CHRM3: variants seen among roughly 807,000 people sequenced by gnomAD.
CHRM3 encodes muscarinic acetylcholine receptor M3.
In CHRM3, 11 loss-of-function variants were observed where a neutral mutation model predicts 41.8. That is an observed-to-expected ratio of 0.26 (90% confidence interval 0.17 to 0.44). The LOEUF (loss-of-function observed/expected upper bound fraction) is 0.44, where lower values mean the gene tolerates loss of function less well. Among genes scored for constraint, CHRM3 ranks in the 20% least tolerant of loss-of-function variants. The pLI is 1.00. For missense variants in CHRM3, 571 were observed against 745.4 expected (o/e 0.77, Z 2.72); for synonymous variants, 297 against 301.4 (o/e 0.99, Z 0.15).
intron 1 of CHRM3, among the ~76,000 whole-genome samples, chr1:239,404,466 G>GT (rs1660401062): frequency 8.1e-6 from 1 of 123,306 alleles, no homozygotes; most frequent in Non-Finnish European, 1.7e-5. Flanking sequence ...AAGAAAGAAA[G>GT]AAAAAGAAAG....
chr1:239,690,026 G>A (rs1490127638), intron 5 of CHRM3, among the ~76,000 whole-genome samples: 1 of 147,782 alleles, frequency 6.8e-6, no homozygotes, highest in Non-Finnish European at 1.5e-5. Flanking sequence ...AACAGAGAGA[G>A]AGAGACAGAG....
chr1:239,902,206 T>C (rs1228697842), intron 6 of CHRM3, among the ~76,000 whole-genome samples: 2 of 152,136 alleles, frequency 1.3e-5, no homozygotes, highest in African/African-American at 2.4e-5. Flanking sequence ...AAAGTTAGCA[T>C]TGGGAGAAGG....
At chr1:239,447,271 A>C (rs1664216949) in intron 1 of CHRM3, among the ~76,000 whole-genome samples, 2 of 152,278 alleles carry the variant, frequency 1.3e-5, no homozygotes, top group African/African-American at 2.4e-5. Flanking sequence ...TCAATATTAA[A>C]CATATTATTT....
intron 5 of CHRM3, among the ~76,000 whole-genome samples, chr1:239,778,939 T>C (rs1668306775): frequency 6.6e-6 from 1 of 152,190 alleles, no homozygotes; most frequent in Non-Finnish European, 1.5e-5. Flanking sequence ...TATGTGATTG[T>C]TTCCATTTCC....
chr1:239,542,390 A>G (rs756017040), intron 2 of CHRM3, among the ~76,000 whole-genome samples: 42 of 152,180 alleles, frequency 2.8e-4, no homozygotes, highest in Admixed American at 9.2e-4. Context: ...AAAGTCAAGT[A>G]TGGAGCGTAG....
intron 1 of CHRM3, among the ~76,000 whole-genome samples, chr1:239,402,057 C>G (rs935142977): frequency 2.0e-5 from 3 of 152,138 alleles, no homozygotes; most frequent in Admixed American, 6.5e-5. Flanking sequence ...TCTCAAGTGT[C>G]AAACCCCCTC....
intron 1 of CHRM3, among the ~76,000 whole-genome samples, chr1:239,390,996 G>GGCAT (rs1658983808): frequency 6.6e-6 from 1 of 152,126 alleles, no homozygotes; most frequent in Non-Finnish European, 1.5e-5. Context: ...AACTTAGCCA[G>GGCAT]GCATGGTGGC....
chr1:239,491,686 T>C (rs577775580), intron 1 of CHRM3, among the ~76,000 whole-genome samples: 2 of 152,370 alleles, frequency 1.3e-5, no homozygotes, highest in East Asian at 3.9e-4. Flanking sequence ...CTTCATTTCC[T>C]CTGGATATGT....
intron 2 of CHRM3, among the ~76,000 whole-genome samples, chr1:239,495,066 T>G (rs1048516527): frequency 6.6e-6 from 1 of 152,202 alleles, no homozygotes; most frequent in Non-Finnish European, 1.5e-5. Context: ...CATTTCTGAC[T>G]GTACTAAGAC....
At chr1:239,893,835 A>T (rs1678757186) in intron 6 of CHRM3, among the ~76,000 whole-genome samples, 1 of 151,706 alleles carries the variant, frequency 6.6e-6, no homozygotes, top group East Asian at 1.9e-4. Flanking sequence ...ATAATTTCCT[A>T]TTCATCTCAC....
chr1:239,681,790 T>C (rs1427391661), intron 5 of CHRM3, among the ~76,000 whole-genome samples: 2 of 152,016 alleles, frequency 1.3e-5, no homozygotes, highest in Non-Finnish European at 2.9e-5. Context: ...TCCTAAATAC[T>C]TGGGAGGCTG....
chr1:239,392,146 C>A (rs1016607920), intron 1 of CHRM3, among the ~76,000 whole-genome samples: 15 of 152,160 alleles, frequency 9.9e-5, no homozygotes, highest in Non-Finnish European at 1.8e-4. Context: ...GAGCAAGACC[C>A]CTTTCTTTCT....
intron 3 of CHRM3, among the ~76,000 whole-genome samples, chr1:239,594,873 T>C (rs1192478320): frequency 6.6e-6 from 1 of 152,162 alleles, no homozygotes; most frequent in Non-Finnish European, 1.5e-5. Context: ...GAGGATCACC[T>C]GAGGTCAGGA....
intron 6 of CHRM3, among the ~76,000 whole-genome samples, chr1:239,890,092 G>A (rs757622841): frequency 1.1e-4 from 16 of 152,102 alleles, no homozygotes; most frequent in Non-Finnish European, 1.5e-4. Context: ...AGGAGAGGTC[G>A]GGAGTTTGAG....
intron 3 of CHRM3, among the ~76,000 whole-genome samples, chr1:239,618,257 G>A (rs1667855751): frequency 6.8e-6 from 1 of 146,746 alleles, no homozygotes; most frequent in East Asian, 2.0e-4. Flanking sequence ...ATAGAGAGTA[G>A]GAGTACTTTT....
intron 3 of CHRM3, among the ~76,000 whole-genome samples, chr1:239,564,967 G>A (rs1476444658): frequency 6.6e-6 from 1 of 152,184 alleles, no homozygotes; most frequent in Non-Finnish European, 1.5e-5. Context: ...GCTGTCCCCG[G>A]AGGCTCCAGG....
At chr1:239,471,203 A>G (rs1175087384) in intron 1 of CHRM3, among the ~76,000 whole-genome samples, 1 of 152,238 alleles carries the variant, frequency 6.6e-6, no homozygotes, top group Non-Finnish European at 1.5e-5. Context: ...TGTTTATGAT[A>G]GTAAATTTTA....
intron 1 of CHRM3, among the ~76,000 whole-genome samples, chr1:239,388,201 T>C (rs937817804): frequency 1.3e-5 from 2 of 152,040 alleles, no homozygotes; most frequent in Non-Finnish European, 2.9e-5. Context: ...CTGGAACCTG[T>C]CCAAAGGCTG....
intron 6 of CHRM3, among the ~76,000 whole-genome samples, chr1:239,861,429 G>A (rs1675631839): frequency 6.6e-6 from 1 of 152,052 alleles, no homozygotes; most frequent in Non-Finnish European, 1.5e-5. Flanking sequence ...AGAGGAAATA[G>A]TACAAGCAGA....
Sources: gnomAD v4.1 joint callset for allele counts (sites outside exome capture counted in the v4.1 genomes callset) on GRCh38, gnomAD v4.1.1 for gene constraint, MANE v1.5 for transcripts, NCBI Gene and HGNC (gene_info 2026-07-23, HGNC 2026-07-21) for gene names.